Variants in SAMD3 observed in about 807,000 individuals in gnomAD.
SAMD3 encodes sterile alpha motif domain containing 3.
In SAMD3, 63 loss-of-function variants were observed where a neutral mutation model predicts 58.5. The ratio of observed to expected loss-of-function variants is 1.08; its 90% confidence interval spans 0.88 to 1.33. The LOEUF is 1.33. Among genes scored for constraint, SAMD3 ranks in the 40% most tolerant of loss-of-function variants. The pLI is 0.00. For synonymous variants in SAMD3, 220 were observed against 210.3 expected (o/e 1.05, Z -0.40); for missense variants, 604 against 608.4 (o/e 0.99, Z 0.08).
chr6:130,310,022 C>T (rs1160019619), intron 2 of SAMD3, among the ~76,000 whole-genome samples: 1 of 152,078 alleles, frequency 6.6e-6, no homozygotes, highest in African/African-American at 2.4e-5. Context: ...TCTGTCTGAG[C>T]ATAACACTGC....
chr6:130,190,789 C>T (rs116996818), intron 5 of SAMD3, among the ~76,000 whole-genome samples: 3,841 of 152,028 alleles, frequency 0.025, 70 homozygotes, highest in Middle Eastern at 0.041. Context: ...ACATAAACAC[C>T]GATTTAATCA....
upstream of SAMD3, chr6:130,365,516 G>C: frequency 2.0e-6 from 2 of 985,410 alleles, no homozygotes; most frequent in Non-Finnish European, 2.4e-6. Context: ...GAAAGCGTCC[G>C]AGGGGCGTGG....
At chr6:130,331,622 G>A (rs550664197) in intron 1 of SAMD3, among the ~76,000 whole-genome samples, 1 of 152,126 alleles carries the variant, frequency 6.6e-6, no homozygotes, top group Non-Finnish European at 1.5e-5. Flanking sequence ...AGGAGGCTGA[G>A]GCTGGAGAGT....
At chr6:130,329,871 C>G (rs1776872723) in intron 1 of SAMD3, among the ~76,000 whole-genome samples, 1 of 134,032 alleles carries the variant, frequency 7.5e-6, no homozygotes. Flanking sequence ...ACAATGAGAA[C>G]ACATGGACAC....
intron 1 of SAMD3, among the ~76,000 whole-genome samples, chr6:130,315,367 T>C (rs975268590): frequency 2.6e-5 from 4 of 152,172 alleles, no homozygotes; most frequent in African/African-American, 9.7e-5. Flanking sequence ...AACCAGTGAA[T>C]GTGTTGGCAT....
chr6:130,293,468 A>C (rs1004003691), intron 2 of SAMD3, among the ~76,000 whole-genome samples: 1 of 152,044 alleles, frequency 6.6e-6, no homozygotes, highest in Admixed American at 6.6e-5. Context: ...AAAGATCGAA[A>C]TAATGTTATT....
chr6:130,359,826 A>G (rs1777934309), intron 1 of SAMD3, among the ~76,000 whole-genome samples: 1 of 152,218 alleles, frequency 6.6e-6, no homozygotes, highest in East Asian at 1.9e-4. Flanking sequence ...AAGGAGTGGT[A>G]AGGCTGGGAA....
chr6:130,346,912 T>TGC (rs1208996288), intron 1 of SAMD3, among the ~76,000 whole-genome samples: 4 of 152,228 alleles, frequency 2.6e-5, no homozygotes, highest in Non-Finnish European at 2.9e-5. Context: ...CAGCAACATT[T>TGC]GCTGTTCACC....
At chr6:130,224,143 G>A (rs1048774800), upstream of SAMD3, among the ~76,000 whole-genome samples, 61 of 152,090 alleles carry the variant, frequency 4.0e-4, 1 homozygote, top group Admixed American at 3.5e-3. Flanking sequence ...CAAATTCTAC[G>A]TGGTCCACAT....
At chr6:130,189,108 A>C (rs1185335785) in intron 5 of SAMD3, among the ~76,000 whole-genome samples, 2 of 151,788 alleles carry the variant, frequency 1.3e-5, no homozygotes, top group African/African-American at 4.8e-5. Flanking sequence ...AAAACCAAAA[A>C]AAAAAAAAAA....
chr6:130,157,588 A>G (rs1789906824), intron 8 of SAMD3, among the ~76,000 whole-genome samples: 1 of 152,150 alleles, frequency 6.6e-6, no homozygotes, highest in Non-Finnish European at 1.5e-5. Context: ...TGGCCTCCCA[A>G]ATTGTTGGGA....
intron 2 of SAMD3, among the ~76,000 whole-genome samples, chr6:130,308,365 A>ATTCTATTCTATTCT (rs1344977630): frequency 1.9e-4 from 11 of 58,018 alleles, no homozygotes; most frequent in African/African-American, 6.4e-4. Context: ...ATTCTATTCT[A>ATTCTATTCTATTCT]TTCTATTCTA....
intron 2 of SAMD3, among the ~76,000 whole-genome samples, chr6:130,264,595 G>T (rs1583024520): frequency 6.6e-6 from 1 of 152,092 alleles, no homozygotes; most frequent in Non-Finnish European, 1.5e-5. Flanking sequence ...GCCCCTTATG[G>T]GTCTTTCAAC....
At chr6:130,208,329 G>A (rs936381671) in intron 5 of SAMD3, among the ~76,000 whole-genome samples, 3 of 152,190 alleles carry the variant, frequency 2.0e-5, no homozygotes, top group African/African-American at 4.8e-5. Context: ...ATGGATGCAC[G>A]GATTGCCTGG....
At chr6:130,230,650 A>G (rs1796519425) in intron 2 of SAMD3, among the ~76,000 whole-genome samples, 1 of 152,160 alleles carries the variant, frequency 6.6e-6, no homozygotes, top group Non-Finnish European at 1.5e-5. Flanking sequence ...GGTCTCCCAA[A>G]GTGCTGGGAT....
intron 5 of SAMD3, among the ~76,000 whole-genome samples, chr6:130,185,788 G>T (rs112085500): frequency 7.1e-4 from 108 of 152,038 alleles, no homozygotes; most frequent in African/African-American, 2.4e-3. Context: ...GTGCCACCAT[G>T]CCCAGCCAAT....
intron 1 of SAMD3, among the ~76,000 whole-genome samples, chr6:130,337,659 A>T (rs1777143872): frequency 6.6e-6 from 1 of 152,216 alleles, no homozygotes; most frequent in Admixed American, 6.5e-5. Context: ...TGCTGACAGC[A>T]ATGTGGACAA....
chr6:130,290,409 T>C (rs1461517098), intron 2 of SAMD3, among the ~76,000 whole-genome samples: 1 of 152,228 alleles, frequency 6.6e-6, no homozygotes, highest in Non-Finnish European at 1.5e-5. Context: ...CTTTGATTAA[T>C]TAGATGAGGC....
chr6:130,300,400 A>G (rs1271339623), intron 2 of SAMD3, among the ~76,000 whole-genome samples: 1 of 152,152 alleles, frequency 6.6e-6, no homozygotes, highest in Non-Finnish European at 1.5e-5. Context: ...TGATAAAAAA[A>G]TCCAATGTCT....
Sources: allele counts gnomAD v4.1 joint callset (sites outside exome capture counted in the v4.1 genomes callset), GRCh38; gene constraint gnomAD v4.1.1; transcripts MANE v1.5; gene names NCBI Gene and HGNC (gene_info 2026-07-23, HGNC 2026-07-21).